The following CCDC126 variants were observed in gnomAD, a reference collection of about 807,000 sequenced individuals.
CCDC126 encodes the protein coiled-coil domain-containing protein 126.
CCDC126 carries 5 observed loss-of-function variants against 11.7 expected under a neutral mutation model. The observed-to-expected ratio is 0.43, with a 90% CI of 0.22 to 0.90. CCDC126 has a LOEUF of 0.90. CCDC126 is among the 40% of genes least tolerant of loss of function. CCDC126 has a pLI of 0.27. For synonymous variants in CCDC126, 60 were observed against 61.9 expected (o/e 0.97, Z 0.14); for missense variants, 150 against 163.1 (o/e 0.92, Z 0.44).
Position 23,623,018 on chromosome 7 carries a change from G to T in CCDC126, c.238+11465G>T, listed in dbSNP as rs1002312263. Among the ~76,000 whole-genome samples the T allele has an allele frequency of 5.5e-5, 7 of 127,124 alleles. 1 individual carries two copies. The South Asian group carries it at 1.5e-3, about 27-fold the overall frequency. 83.4% of individuals were successfully genotyped at this position (127,124 alleles called of 152,430 possible). On this transcript the variant is annotated intron_variant, in intron 3 of 3. Coordinates refer to ENST00000307471, the MANE Select transcript of CCDC126 (RefSeq NM_138771.4). Reference sequence around the variant, plus strand: ...GATGAAGTTTTGCTCTTGTTGCCCAGGCTGGAGTGCAATGGCACAATCTCA... The same window carrying T: ...GATGAAGTTTTGCTCTTGTTGCCCATGCTGGAGTGCAATGGCACAATCTCA...
At chr7:23,620,660 A>G (rs1470800392) in intron 3 of CCDC126, among the ~76,000 whole-genome samples, 2 of 152,060 alleles carry the variant, frequency 1.3e-5, no homozygotes, top group African/African-American at 4.8e-5. Context: ...GCCCATGCCT[A>G]TGTCCTGAAT....
intron 3 of CCDC126, among the ~76,000 whole-genome samples, chr7:23,617,302 T>C (rs1043676131): frequency 3.0e-5 from 4 of 135,164 alleles, no homozygotes; most frequent in African/African-American, 1.1e-4. Flanking sequence ...GAGCCAAGAT[T>C]GCACCACTGC....
rs1454743266 is a variant in CCDC126 at position 23,642,993 on chromosome 7, G to C, written c.301G>C (p.Glu101Gln). Residue 101 changes from glutamate (E) to glutamine (Q), a missense_variant, in exon 4 of 4, where the codon GAG becomes CAG. Coordinates refer to ENST00000307471, the MANE Select transcript of CCDC126 (RefSeq NM_138771.4). Reference protein sequence around the residue: ...DDILQRLVKLENKVDYIVVNG... With the variant: ...DDILQRLVKLQNKVDYIVVNG... ...CATTTTGCAACGATTGGTGAAGCTG[G>C]AGAACAAAGTTGACTATATTGTTGT... 4 of 1,613,976 alleles carry C rather than the reference G, an allele frequency of 2.5e-6. No individual in the cohort carries two copies. The South Asian group carries it at 4.4e-5, about 18-fold the overall frequency.
rs975080231 is a variant in CCDC126 at position 23,597,414 on chromosome 7, G to C, written c.-422G>C. Reference sequence around the variant, plus strand: ...AGCGGAAGCCGAGTGCGAGGGACGAGCGGAGTAAAATCTCCACAAGCTGGG... The same window carrying C: ...AGCGGAAGCCGAGTGCGAGGGACGACCGGAGTAAAATCTCCACAAGCTGGG... On this transcript the variant is annotated 5_prime_UTR_variant, in exon 1 of 4. Coordinates refer to ENST00000307471, the MANE Select transcript of CCDC126 (RefSeq NM_138771.4). The C allele has an allele frequency of 6.5e-6, 1 of 152,808 alleles. No individual in the cohort carries two copies. The highest frequency in any genetic ancestry group is 1.5e-5 in the Non-Finnish European group (1 of 68,534). The allele number at this position is 152,808 out of a possible 1,614,324, so 9.5% of individuals were successfully genotyped here. A position where few individuals can be genotyped will look rare whatever the true frequency, so the allele number is the denominator to read the frequency against.
chr7:23,611,372 T>C lies in CCDC126; in HGVS notation c.57T>C (p.Leu19=), dbSNP rs751952971. The C allele has an allele frequency of 2.5e-6, 4 of 1,613,958 alleles. No individual in the cohort carries two copies. The East Asian group carries it at 8.9e-5, about 36-fold the overall frequency. Reference sequence around the variant, plus strand: ...CCCAGAAATTGAGTTTACTGTTGCTTGTATTTGGACTCATTTGGGGATTGA... The same window carrying C: ...CCCAGAAATTGAGTTTACTGTTGCTCGTATTTGGACTCATTTGGGGATTGA... ...NMSQKLSLLL[L]VFGLIWGLML... Residue 19 remains leucine, a synonymous_variant, in exon 3 of 4, where the codon CTT becomes CTC. Coordinates refer to ENST00000307471, the MANE Select transcript of CCDC126 (RefSeq NM_138771.4).
At chr7:23,622,661 G>A (rs1414993430) in intron 3 of CCDC126, 1 of 534,200 alleles carries the variant, frequency 1.9e-6, no homozygotes, top group Non-Finnish European at 3.8e-6. Context: ...TACACACAAA[G>A]GAACCTATGC....
At chr7:23,616,459 A>G (rs367993278) in intron 3 of CCDC126, among the ~76,000 whole-genome samples, 134 of 152,348 alleles carry the variant, frequency 8.8e-4, no homozygotes, top group African/African-American at 3.1e-3. Flanking sequence ...TTCCTGAGAA[A>G]GATGCAGATA....
intron 3 of CCDC126, chr7:23,619,391 G>A: frequency 7.4e-6 from 3 of 405,646 alleles, no homozygotes; most frequent in Middle Eastern, 7.0e-4. Context: ...CTTAAACTCA[G>A]AGATCAGAGG....
At chr7:23,642,018 T>G (rs1322147943) in intron 3 of CCDC126, among the ~76,000 whole-genome samples, 1 of 152,140 alleles carries the variant, frequency 6.6e-6, no homozygotes, top group Non-Finnish European at 1.5e-5. Context: ...TTTTTTTGGT[T>G]TTTTGTTTTT....
chr7:23,597,626 C>G (rs1273395085), intron 1 of CCDC126, 21 bp downstream of exon 1: 1 of 152,402 alleles, frequency 6.6e-6, no homozygotes, highest in Admixed American at 6.5e-5. Flanking sequence ...AGGGGCGAGT[C>G]CGCCAGCCGG....
chr7:23,616,159 G>T (rs1782791439), intron 3 of CCDC126, among the ~76,000 whole-genome samples: 1 of 152,084 alleles, frequency 6.6e-6, no homozygotes, highest in Non-Finnish European at 1.5e-5. Context: ...GTTTTCTACT[G>T]CATCCCCCTA....
At chr7:23,630,312 A>G (rs917169367) in intron 3 of CCDC126, among the ~76,000 whole-genome samples, 1 of 151,048 alleles carries the variant, frequency 6.6e-6, no homozygotes, top group Non-Finnish European at 1.5e-5. Context: ...CAGCCTGGCC[A>G]AAAAGGTGAA....
intron 3 of CCDC126, among the ~76,000 whole-genome samples, chr7:23,621,876 A>G (rs892903592): frequency 2.0e-5 from 3 of 152,120 alleles, no homozygotes; most frequent in Non-Finnish European, 1.5e-5. Context: ...TATATGCTGG[A>G]TTATGTTCAT....
chr7:23,617,348 C>CAAAA (rs35391703), intron 3 of CCDC126, among the ~76,000 whole-genome samples: 5 of 36,230 alleles, frequency 1.4e-4, no homozygotes, highest in African/African-American at 2.1e-4. Flanking sequence ...ATGCTGTCTC[C>CAAAA]AAAAAAAAAA....
intron 2 of CCDC126, among the ~76,000 whole-genome samples, chr7:23,603,683 G>C (rs1353895143): frequency 6.6e-6 from 1 of 152,148 alleles, no homozygotes; most frequent in Admixed American, 6.5e-5. Context: ...GATAATTGAA[G>C]GTACTTTACC....
At chr7:23,638,361 T>C (rs1356600533) in intron 3 of CCDC126, among the ~76,000 whole-genome samples, 4 of 106,860 alleles carry the variant, frequency 3.7e-5, no homozygotes, top group Admixed American at 3.7e-4. Context: ...TTTCATTTTG[T>C]TCTGTACTAA....
In CCDC126 at chr7:23,604,691, A is replaced by G. The variant is rs563104124; in HGVS notation, c.-145-6480A>G. On this transcript the variant is annotated intron_variant, in intron 2 of 3. Transcript: ENST00000307471. ...TTTTACAAGGTTTTAAAGATATACT[A>G]TAATTTCATATAGAAAATGATAGGG... is the stretch of plus-strand genomic sequence containing the variant. Among the ~76,000 whole-genome samples the G allele has an allele frequency of 1.1e-4, 16 of 152,278 alleles. No individual in the cohort carries two copies. In the South Asian group the frequency reaches 1.4e-3, roughly 14 times the overall value.
chr7:23,634,110 G>A (rs2128021192), intron 3 of CCDC126, among the ~76,000 whole-genome samples: 1 of 152,298 alleles, frequency 6.6e-6, no homozygotes, highest in East Asian at 1.9e-4. Context: ...TGAGGCAGCT[G>A]ACATTAAGAG....
At chr7:23,609,818 C>T (rs953986564) in intron 2 of CCDC126, among the ~76,000 whole-genome samples, 2 of 152,286 alleles carry the variant, frequency 1.3e-5, no homozygotes, top group Middle Eastern at 3.4e-3. Flanking sequence ...GCTGAGATTG[C>T]ACCACTGTAC....
Sources: gnomAD v4.1 joint callset for allele counts (sites outside exome capture counted in the v4.1 genomes callset) on GRCh38, gnomAD v4.1.1 for gene constraint, MANE v1.5 for transcripts, NCBI Gene and HGNC (gene_info 2026-07-23, HGNC 2026-07-21) for gene names.